Variants in WDPCP observed in about 807,000 individuals in gnomAD.
WDPCP encodes WD repeat-containing and planar cell polarity effector protein fritz homolog.
Under a neutral mutation model 93.1 loss-of-function variants are expected in WDPCP, and 71 were observed. The ratio of observed to expected loss-of-function variants is 0.76; its 90% CI spans 0.63 to 0.93. The LOEUF is 0.93. Among genes scored for constraint, WDPCP ranks in the 40% least tolerant of loss-of-function variants. WDPCP has a pLI of 0.00. For synonymous variants in WDPCP, 315 were observed against 315.0 expected (o/e 1.00, Z 0.00); for missense variants, 844 against 887.4 (o/e 0.95, Z 0.62).
At chr2:63,420,838 AC>A (rs765188876) in intron 9 of WDPCP, among the ~76,000 whole-genome samples, 2 of 152,072 alleles carry the variant, frequency 1.3e-5, no homozygotes, top group Admixed American at 1.3e-4. Context: ...AGAGCATTCC[AC>A]CCTCTGAATT....
At chr2:63,279,539 A>G (rs1683351128) in intron 13 of WDPCP, among the ~76,000 whole-genome samples, 1 of 152,216 alleles carries the variant, frequency 6.6e-6, no homozygotes, top group Admixed American at 6.5e-5. Context: ...ATTCCCCCTG[A>G]GAACTGGAAA....
At chr2:63,432,770 C>T (rs1227527499) in intron 9 of WDPCP, among the ~76,000 whole-genome samples, 1 of 152,046 alleles carries the variant, frequency 6.6e-6, no homozygotes, top group Non-Finnish European at 1.5e-5. Flanking sequence ...CTTTTTAGAC[C>T]TGTTAGAGAC....
intron 15 of WDPCP, among the ~76,000 whole-genome samples, chr2:63,156,553 T>A (rs1386222780): frequency 6.6e-6 from 1 of 151,550 alleles, no homozygotes; most frequent in Non-Finnish European, 1.5e-5. Context: ...CTGGCCAACA[T>A]GGTAAAACCC....
At chr2:63,417,053 A>G (rs758508332) in intron 9 of WDPCP, among the ~76,000 whole-genome samples, 6 of 152,220 alleles carry the variant, frequency 3.9e-5, no homozygotes, top group Non-Finnish European at 7.3e-5. Flanking sequence ...TTGTGTTACA[A>G]GATTGCTGCA....
At position 63,433,713 on chromosome 2, in the gene WDPCP, T is replaced by A. The variant is rs781362650; in HGVS notation, c.825+32A>T. On this transcript the variant is annotated intron_variant, in intron 9 of 17. Coordinates refer to ENST00000272321, the MANE Select transcript of WDPCP (RefSeq NM_015910.7). ...TAATAATTCTATTTTATTTACACTTTATTAAAATGTACATATTTGTTTTAG... is the reference window on the plus strand; with the variant it reads ...TAATAATTCTATTTTATTTACACTTAATTAAAATGTACATATTTGTTTTAG... 24 of 1,545,680 alleles carry A rather than the reference T, an allele frequency of 1.6e-5. No homozygotes were observed. In the South Asian group the frequency reaches 2.7e-4, roughly 17 times the overall value.
upstream of WDPCP, chr2:63,589,186 T>C (rs972720979): frequency 4.1e-5 from 66 of 1,604,354 alleles, no homozygotes; most frequent in African/African-American, 8.2e-4. Context: ...ACTCATCTTC[T>C]GGGGATTGCC....
chr2:63,575,428 G>GTATATACAGTGTATGCAC (rs1558832315), intron 1 of WDPCP, among the ~76,000 whole-genome samples: 2 of 30,074 alleles, frequency 6.7e-5, no homozygotes, highest in African/African-American at 2.4e-4. Context: ...ACTGTATACA[G>GTATATACAGTGTATGCAC]TGTATATACA....
At chr2:63,664,312 C>T (rs947195214) in intron 2 of WDPCP, among the ~76,000 whole-genome samples, 3 of 152,158 alleles carry the variant, frequency 2.0e-5, no homozygotes, top group Admixed American at 1.3e-4. Flanking sequence ...GATAGAGAAC[C>T]AAGATTAGAG....
At chr2:63,581,491 C>T (rs900284205) in intron 1 of WDPCP, among the ~76,000 whole-genome samples, 5 of 152,098 alleles carry the variant, frequency 3.3e-5, no homozygotes, top group African/African-American at 7.2e-5. Context: ...TGCCTGTTCT[C>T]ACCAGCCCGA....
At chr2:63,531,249 C>G (rs1363795100) in intron 1 of WDPCP, among the ~76,000 whole-genome samples, 1 of 152,220 alleles carries the variant, frequency 6.6e-6, no homozygotes, top group African/African-American at 2.4e-5. Context: ...TCTGTAGACT[C>G]CACCTCTGGG....
intron 1 of WDPCP, among the ~76,000 whole-genome samples, chr2:63,508,544 C>T (rs1217696253): frequency 6.6e-6 from 1 of 152,078 alleles, no homozygotes; most frequent in Non-Finnish European, 1.5e-5. Context: ...GCAAAATAAC[C>T]AGCTAACATC....
intron 1 of WDPCP, among the ~76,000 whole-genome samples, chr2:63,560,120 A>G (rs1706482001): frequency 6.6e-6 from 1 of 151,914 alleles, no homozygotes; most frequent in Non-Finnish European, 1.5e-5. Flanking sequence ...CTATTTGGGA[A>G]GCTCAGGCAG....
intron 17 of WDPCP, among the ~76,000 whole-genome samples, chr2:63,132,475 T>TAA (rs1670352162): frequency 6.6e-6 from 1 of 151,324 alleles, no homozygotes; most frequent in Non-Finnish European, 1.5e-5. Flanking sequence ...TCATAATGGA[T>TAA]ATATTGTCCT....
intron 10 of WDPCP, among the ~76,000 whole-genome samples, chr2:63,389,723 C>CA (rs1350397072): frequency 1.3e-5 from 2 of 151,382 alleles, no homozygotes; most frequent in African/African-American, 2.4e-5. Flanking sequence ...AAATAGAAAG[C>CA]AAAAAAAGCA....
intron 1 of WDPCP, among the ~76,000 whole-genome samples, chr2:63,496,508 G>A (rs529586581): frequency 6.6e-6 from 1 of 152,272 alleles, no homozygotes; most frequent in South Asian, 2.1e-4. Flanking sequence ...GATCTGTGAA[G>A]AGCTTCAAAG....
chr2:63,494,328 A>ATGT (rs1372036894), intron 1 of WDPCP, among the ~76,000 whole-genome samples: 1 of 152,160 alleles, frequency 6.6e-6, no homozygotes, highest in Non-Finnish European at 1.5e-5. Context: ...GATGATGATG[A>ATGT]TGGAGAAAAA....
At chr2:63,588,035 A>C (rs537432468) in intron 1 of WDPCP, among the ~76,000 whole-genome samples, 162 bp downstream of exon 1, 2 of 152,370 alleles carry the variant, frequency 1.3e-5, no homozygotes, top group African/African-American at 4.8e-5. Context: ...CACCCCCTCC[A>C]AAATAGCTGC....
At chr2:63,795,368 A>G (rs1465370647) in intron 2 of WDPCP, among the ~76,000 whole-genome samples, 2 of 152,046 alleles carry the variant, frequency 1.3e-5, no homozygotes, top group Non-Finnish European at 2.9e-5. Flanking sequence ...GGAAAATGGT[A>G]AGAATAAGAA....
chr2:63,181,687 A>G (rs1044413134), intron 14 of WDPCP, among the ~76,000 whole-genome samples: 3 of 150,788 alleles, frequency 2.0e-5, no homozygotes, highest in Non-Finnish European at 3.0e-5. Context: ...CTCTTTTTTC[A>G]TTCTATATGA....
Sources: gnomAD v4.1 joint callset for allele counts (sites outside exome capture counted in the v4.1 genomes callset) on GRCh38, gnomAD v4.1.1 for gene constraint, MANE v1.5 for transcripts, NCBI Gene and HGNC (gene_info 2026-07-23, HGNC 2026-07-21) for gene names.